PRRC2C: variants seen among roughly 807,000 people sequenced by gnomAD.
PRRC2C encodes proline rich coiled-coil 2C, also known as protein PRRC2C.
PRRC2C carries 72 observed loss-of-function variants against 317.2 expected under a neutral mutation model. The ratio of observed to expected loss-of-function variants is 0.23; its 90% CI spans 0.19 to 0.28. The LOEUF (loss-of-function observed/expected upper bound fraction) is 0.28, where lower values mean the gene tolerates loss of function less well. Ranked by LOEUF, PRRC2C falls within the 10% of genes least tolerant of loss-of-function variation. The probability of loss-of-function intolerance (pLI) is 1.00; values close to 1 mark genes in which losing one functional copy is unlikely to be tolerated. For synonymous variants in PRRC2C, 1,296 were observed against 1,205.9 expected (o/e 1.07, Z -1.55); for missense variants, 3,074 against 3,459.7 (o/e 0.89, Z 2.80).
At chr1:171,494,949 A>G (rs1667857583) in intron 1 of PRRC2C, among the ~76,000 whole-genome samples, 1 of 152,210 alleles carries the variant, frequency 6.6e-6, no homozygotes, top group South Asian at 2.1e-4. Flanking sequence ...GTGCTTTAGC[A>G]AAATTACACG....
intron 1 of PRRC2C, among the ~76,000 whole-genome samples, chr1:171,506,123 C>T (rs943874886): frequency 3.3e-5 from 5 of 152,202 alleles, no homozygotes; most frequent in Non-Finnish European, 5.9e-5. Context: ...TCTCGAACTC[C>T]TGACTTTAAG....
chr1:171,588,529 G>A (rs574591972), intron 33 of PRRC2C, 24 bp downstream of exon 33: 3 of 1,606,090 alleles, frequency 1.9e-6, no homozygotes, highest in Non-Finnish European at 2.6e-6. Flanking sequence ...ATTAAGAAAT[G>A]AGTATTATTT....
rs1157234283 is a variant in PRRC2C at position 171,557,877 on chromosome 1, C to T, written c.5765C>T (p.Ser1922Leu). The T allele has an allele frequency of 7.2e-6, 11 of 1,538,410 alleles. No homozygotes were observed. The East Asian group carries it at 2.7e-4, about 38-fold the overall frequency. ...SAPAPAPTPV[S>L]APNPAPPAPA... Reference sequence around the variant, plus strand: ...CCAGCCCCAGCCCCTACCCCAGTCTCAGCCCCAAATCCTGCCCCACCTGCC... The same window carrying T: ...CCAGCCCCAGCCCCTACCCCAGTCTTAGCCCCAAATCCTGCCCCACCTGCC... Residue 1922 changes from serine (S) to leucine (L), a missense_variant, in exon 19 of 35, where the codon TCA (serine) becomes TTA (leucine). By Grantham distance (145) the Ser-to-Leu change is moderately radical (BLOSUM62 -2). Around this residue, in one of 11 missense-constraint regions of PRRC2C, gnomAD observed 640 missense variants for 676.1 expected, o/e 0.95. Transcript: ENST00000647382.
At chr1:171,489,984 A>G (rs35479794) in intron 1 of PRRC2C, among the ~76,000 whole-genome samples, 13 of 151,784 alleles carry the variant, frequency 8.6e-5, no homozygotes, top group Admixed American at 2.0e-4. Context: ...CAGTGGCGCT[A>G]TCTTGGCTCA....
chr1:171,487,569 A>G (rs1360101297), intron 1 of PRRC2C, among the ~76,000 whole-genome samples: 2 of 152,162 alleles, frequency 1.3e-5, no homozygotes, highest in Admixed American at 6.5e-5. Flanking sequence ...ATAACTTAAA[A>G]CTAACTCTAC....
chr1:171,514,992 C>T (rs1672072393), intron 4 of PRRC2C, among the ~76,000 whole-genome samples: 1 of 152,170 alleles, frequency 6.6e-6, no homozygotes, highest in East Asian at 1.9e-4. Context: ...ATCTATGTCC[C>T]CAACATCTCC....
chr1:171,537,502 A>G, intron 15 of PRRC2C, 29 bp downstream of exon 15: 6 of 1,524,856 alleles, frequency 3.9e-6, no homozygotes, highest in Non-Finnish European at 5.3e-6. Context: ...TTAATAGATG[A>G]TACAGAATAT....
At position 171,540,941 on chromosome 1, in the gene PRRC2C, C is replaced by T; in HGVS notation, c.3475C>T (p.Pro1159Ser). 2 of 1,613,832 alleles carry T rather than the reference C, an allele frequency of 1.2e-6. No individual in the cohort carries two copies. The highest frequency in any genetic ancestry group is 1.7e-6 in the Non-Finnish European group (2 of 1,179,846). ...VIERPRPDSR[P>S]AVKKESTLPP... ...AGAGAGGCCTCGACCAGATTCAAGACCAGCAGTTAAAAAAGAATCAACTTT... is the reference window on the plus strand; with the variant it reads ...AGAGAGGCCTCGACCAGATTCAAGATCAGCAGTTAAAAAAGAATCAACTTT... Residue 1159 changes from proline to serine, a missense_variant, in exon 16 of 35, where the codon CCA (proline) becomes TCA (serine). This residue lies in a region of PRRC2C where 1,320 missense variants were observed against 1,395.7 expected (regional missense o/e 0.95). Transcript: ENST00000647382.
intron 3 of PRRC2C, 147 bp downstream of exon 3, chr1:171,513,319 CT>C (rs1671717876): frequency 1.0e-6 from 1 of 969,390 alleles, no homozygotes; most frequent in Non-Finnish European, 1.5e-6. Context: ...ACTATAGTAA[CT>C]TTTGGTTAAT....
Position 171,527,695 on chromosome 1 carries a change from G to A in PRRC2C, c.1201-96G>A, listed in dbSNP as rs1365890711. 10 of 971,572 alleles carry A rather than the reference G, an allele frequency of 1.0e-5. No individual in the cohort carries two copies. The East Asian group carries it at 2.6e-4, about 25-fold the overall frequency. 60.2% of individuals were successfully genotyped at this position (971,572 alleles called of 1,614,324 possible). A position where few individuals can be genotyped will look rare whatever the true frequency, so the allele number is the denominator to read the frequency against. On this transcript the variant is annotated intron_variant, in intron 10 of 34. Coordinates refer to ENST00000647382, the MANE Select transcript of PRRC2C (RefSeq NM_001387844.1). ...TGCTTGGCCCCGGGAGACAGAGGTT[G>A]CAGTGAGCCAAGATCATGCCACTGC... is the stretch of plus-strand genomic sequence containing the variant.
intron 1 of PRRC2C, chr1:171,511,383 A>G (rs1341755902): frequency 1.3e-5 from 2 of 152,184 alleles, no homozygotes. Flanking sequence ...AATGCTTATG[A>G]AAATGTTATT....
chr1:171,557,106 T>G, intron 18 of PRRC2C, 134 bp from the exon 19 acceptor site: 4 of 1,412,046 alleles, frequency 2.8e-6, no homozygotes, highest in Non-Finnish European at 2.8e-6. Context: ...TTAGCAACCC[T>G]GACATTTTGT....
chr1:171,500,633 G>T (rs969896608), intron 1 of PRRC2C, among the ~76,000 whole-genome samples: 4 of 152,126 alleles, frequency 2.6e-5, no homozygotes, highest in Non-Finnish European at 5.9e-5. Context: ...TTCAATCTAG[G>T]ATAGCTATCC....
intron 5 of PRRC2C, among the ~76,000 whole-genome samples, chr1:171,516,518 A>G (rs1165826931): frequency 2.0e-5 from 3 of 152,182 alleles, no homozygotes; most frequent in East Asian, 1.9e-4. Flanking sequence ...TTATTTTTCA[A>G]GCGTCATAAT....
chr1:171,529,455 A>G (rs1452502026), intron 11 of PRRC2C, among the ~76,000 whole-genome samples: 1 of 152,194 alleles, frequency 6.6e-6, no homozygotes, highest in African/African-American at 2.4e-5. Flanking sequence ...CATTTCAGGT[A>G]ATGGCATTAT....
At chr1:171,544,797 G>A (rs1048792281) in intron 16 of PRRC2C, among the ~76,000 whole-genome samples, 3 of 152,104 alleles carry the variant, frequency 2.0e-5, no homozygotes, top group Non-Finnish European at 4.4e-5. Context: ...AATGTTTCAG[G>A]TTATGACCAG....
chr1:171,523,657 A>C, intron 9 of PRRC2C, 135 bp downstream of exon 9: 3 of 784,262 alleles, frequency 3.8e-6, no homozygotes, highest in Non-Finnish European at 6.2e-6. Context: ...GTTTTACTGA[A>C]TAGAGGGTGC....
At chr1:171,520,183 G>A (rs1037791957) in intron 6 of PRRC2C, among the ~76,000 whole-genome samples, 20 of 152,206 alleles carry the variant, frequency 1.3e-4, no homozygotes, top group Admixed American at 6.5e-4. Flanking sequence ...GGCTAGTCTC[G>A]ATCTCCTGAC....
intron 23 of PRRC2C, among the ~76,000 whole-genome samples, chr1:171,568,733 A>G (rs1684151555): frequency 6.6e-6 from 1 of 152,228 alleles, no homozygotes; most frequent in African/African-American, 2.4e-5. Context: ...ATTTAAGATA[A>G]CTAAAATTAG....
Sources: gnomAD v4.1 joint callset for allele counts (sites outside exome capture counted in the v4.1 genomes callset) on GRCh38, gnomAD v4.1.1 for gene constraint, gnomAD v4.1.1 regional missense constraint, MANE v1.5 for transcripts, NCBI Gene and HGNC (gene_info 2026-07-23, HGNC 2026-07-21) for gene names.